The following NOTCH2 variants were observed in gnomAD, a reference collection of about 807,000 sequenced individuals.
NOTCH2 encodes the protein neurogenic locus notch homolog protein 2.
A neutral mutation model predicts 235.8 loss-of-function variants in NOTCH2; 29 were observed. The observed-to-expected ratio is 0.12, with a 90% CI of 0.09 to 0.17. The LOEUF (loss-of-function observed/expected upper bound fraction) is 0.17. Among genes scored for constraint, NOTCH2 ranks in the 10% least tolerant of loss-of-function variants. The probability of loss-of-function intolerance (pLI) is 1.00; values close to 1 mark genes in which losing one functional copy is unlikely to be tolerated. For synonymous variants in NOTCH2, 1,086 were observed against 1,141.5 expected (o/e 0.95, Z 0.98); for missense variants, 2,285 against 3,150.2 (o/e 0.73, Z 6.57).
At chr1:120,001,059 T>G (rs3000474) in intron 3 of NOTCH2, among the ~76,000 whole-genome samples, 5,938 of 150,652 alleles carry the variant, frequency 0.039, 1 homozygote, top group East Asian at 0.12. Flanking sequence ...TTTCTCAGGG[T>G]TTCTGCTTTT....
chr1:119,995,579 G>A (rs1381678990), intron 4 of NOTCH2: 27 of 152,182 alleles, frequency 1.8e-4, no homozygotes, highest in East Asian at 1.3e-3. Flanking sequence ...GAAGACAGAC[G>A]TATTTTAGTT....
intron 21 of NOTCH2, among the ~76,000 whole-genome samples, chr1:119,936,074 G>A (rs917454669): frequency 6.6e-6 from 1 of 152,208 alleles, no homozygotes; most frequent in Non-Finnish European, 1.5e-5. Flanking sequence ...GATAGGCTTA[G>A]GGGTAGAGGG....
chr1:119,974,134 G>A (rs1040889124), intron 5 of NOTCH2, among the ~76,000 whole-genome samples: 2 of 152,194 alleles, frequency 1.3e-5, no homozygotes, highest in East Asian at 1.9e-4. Context: ...TGAAACAGGA[G>A]AGCTGTATTG....
At chr1:119,962,259 C>T (rs1222049194) in intron 11 of NOTCH2, among the ~76,000 whole-genome samples, 1 of 152,134 alleles carries the variant, frequency 6.6e-6, no homozygotes, top group Non-Finnish European at 1.5e-5. Flanking sequence ...CCCAGGTTTC[C>T]AGTATGTTTA....
chr1:119,953,755 C>G (rs1553198108), intron 13 of NOTCH2, 67 bp from the exon 14 acceptor site: 1 of 1,397,304 alleles, frequency 7.2e-7, no homozygotes, highest in South Asian at 1.2e-5. Context: ...GAGTGAAATA[C>G]AGGACTTGGT....
In NOTCH2 at chr1:119,967,522, A is replaced by G. The variant is rs1553199824; in HGVS notation, c.1364T>C (p.Met455Thr). The G allele has an allele frequency of 1.9e-6, 3 of 1,614,108 alleles. No individual in the cohort carries two copies. Among genetic ancestry groups the G allele is most frequent in the Non-Finnish European group, 2.5e-6 (3 of 1,179,954 alleles). Residue 455 changes from methionine to threonine, a missense_variant, in exon 8 of 34, where the codon ATG (methionine) becomes ACG (threonine). Physicochemically the swap from Met to Thr is moderately conservative, Grantham distance 81 (BLOSUM62 -1). This residue lies in a region of NOTCH2 where 431 missense variants were observed against 757.8 expected (regional missense o/e 0.57). Coordinates refer to ENST00000256646, the MANE Select transcript of NOTCH2 (RefSeq NM_024408.4). The part of the protein sequence containing the change: ...LKGYAGPRCE[M>T]DINECHSDPC... ...GTCTGAATGGCACTCATTGATGTCC[A>G]TCTCACAACGAGGTCCTGCATAACC...
intron 1 of NOTCH2, chr1:120,068,847 G>A (rs1236816990): frequency 3.9e-6 from 2 of 515,306 alleles, no homozygotes; most frequent in Non-Finnish European, 7.0e-6. Flanking sequence ...CCCGGCCCAT[G>A]TGCCGCCCCC....
Position 120,069,455 on chromosome 1 carries a change from T to G in NOTCH2, c.-49A>C, listed in dbSNP as rs781821308. 1.3e-6 allele frequency: 2 copies of G among 1,519,200 alleles called. No homozygotes were observed. The highest frequency in any genetic ancestry group is 1.8e-6 in the Non-Finnish European group (2 of 1,141,734). 94.1% of individuals were successfully genotyped at this position (1,519,200 alleles called of 1,614,324 possible). A position where few individuals can be genotyped will look rare whatever the true frequency, so the allele number is the denominator to read the frequency against. ...CCGCCGCCGCCGCCGCCTGGGCAGATCCACATGGGGAGGGGGTCCCGATAG... is the reference window on the plus strand; with the variant it reads ...CCGCCGCCGCCGCCGCCTGGGCAGAGCCACATGGGGAGGGGGTCCCGATAG... On this transcript the variant is annotated 5_prime_UTR_variant, in exon 1 of 34. Coordinates refer to ENST00000256646, the MANE Select transcript of NOTCH2 (RefSeq NM_024408.4).
intron 5 of NOTCH2, among the ~76,000 whole-genome samples, chr1:119,985,814 A>C (rs1244585608): frequency 6.6e-6 from 1 of 152,206 alleles, no homozygotes; most frequent in African/African-American, 2.4e-5. Flanking sequence ...CAATGTCACA[A>C]AAAGTACAGA....
rs113604103 is a variant in NOTCH2 at position 119,953,619 on chromosome 1, C to T, written c.2289G>A (p.Ser763=). The part of the protein sequence containing the change: ...NCEVDKNECL[S]NPCQNGGTCD... ...AAGTTCCTCCATTCTGGCATGGATT[C>T]GAAAGGCATTCATTTTTGTCCACTT... is the stretch of plus-strand genomic sequence containing the variant. The change falls in exon 14 of 34, where the codon TCG becomes TCA. Residue 763 remains serine (S), a synonymous_variant. Transcript: ENST00000256646. 13 of 1,614,060 alleles carry T rather than the reference C, an allele frequency of 8.1e-6. No individual in the cohort carries two copies. Among genetic ancestry groups the T allele is most frequent in the Admixed American group, 5.0e-5 (3 of 60,016 alleles).
In NOTCH2 at chr1:119,916,333, C is replaced by T. The variant is rs1649068469; in HGVS notation, c.6389G>A (p.Arg2130Lys). ...CTTCTCACTCAGAGACTTCTTCCTC[C>T]TACTACCCTTGGCATCCTTTGCCTC... ...AKEAKDAKGS[R>K]RKKSLSEKVQ... The change falls in exon 34 of 34, where the codon AGG becomes AAG. Residue 2130 changes from arginine (R) to lysine (K), a missense_variant. By Grantham distance (26) the Arg-to-Lys change is conservative (BLOSUM62 2). Coordinates refer to ENST00000256646, the MANE Select transcript of NOTCH2 (RefSeq NM_024408.4). 1 of 1,614,198 alleles carries T rather than the reference C, an allele frequency of 6.2e-7. No homozygotes were observed. The highest frequency in any genetic ancestry group is 1.7e-5 in the Admixed American group (1 of 60,024).
intron 5 of NOTCH2, among the ~76,000 whole-genome samples, chr1:119,972,573 G>T (rs953941160): frequency 2.0e-5 from 3 of 152,140 alleles, no homozygotes; most frequent in Non-Finnish European, 4.4e-5. Flanking sequence ...ATAATAAACA[G>T]ACACTGAAAT....
intron 17 of NOTCH2, 70 bp downstream of exon 17, chr1:119,948,344 C>G (rs1650335811): frequency 2.5e-6 from 4 of 1,582,924 alleles, no homozygotes; most frequent in Non-Finnish European, 3.5e-6. Flanking sequence ...GCAGCCTCCA[C>G]TGGGCTCTCC....
intron 5 of NOTCH2, among the ~76,000 whole-genome samples, chr1:119,977,563 G>T (rs961900597): frequency 2.6e-4 from 40 of 152,318 alleles, no homozygotes; most frequent in African/African-American, 9.6e-4. Flanking sequence ...GAAACTAGGG[G>T]AGAAAGAGCG....
chr1:119,947,695 G>C (rs1002335337), intron 17 of NOTCH2, among the ~76,000 whole-genome samples: 1 of 152,140 alleles, frequency 6.6e-6, no homozygotes, highest in Non-Finnish European at 1.5e-5. Context: ...TCCACACAAA[G>C]ACTCATTCAT....
At chr1:119,921,918 A>T in intron 28 of NOTCH2, 109 bp from the exon 29 acceptor site, 1 of 972,250 alleles carries the variant, frequency 1.0e-6, no homozygotes, top group Non-Finnish European at 1.6e-6. Context: ...ACAATTTTGC[A>T]GGGTCTTGGC....
chr1:119,945,609 CAA>C (rs1356199292), intron 17 of NOTCH2, among the ~76,000 whole-genome samples: 1 of 151,912 alleles, frequency 6.6e-6, no homozygotes, highest in Non-Finnish European at 1.5e-5. Flanking sequence ...AGAAATATGA[CAA>C]GAGTTTAAAA....
chr1:119,983,622 C>G (rs1651900242), intron 5 of NOTCH2, among the ~76,000 whole-genome samples: 1 of 152,096 alleles, frequency 6.6e-6, no homozygotes, highest in African/African-American at 2.4e-5. Context: ...AAAAAATAAA[C>G]TTTTTATTGC....
intron 5 of NOTCH2, among the ~76,000 whole-genome samples, chr1:119,975,889 G>A (rs1009420598): frequency 6.6e-6 from 1 of 152,088 alleles, no homozygotes. Context: ...ATCTGATTTG[G>A]AGCTACAAGT....
Sources: allele counts gnomAD v4.1 joint callset (sites outside exome capture counted in the v4.1 genomes callset), GRCh38; gene constraint gnomAD v4.1.1; regional missense constraint gnomAD v4.1.1; transcripts MANE v1.5; gene names NCBI Gene and HGNC (gene_info 2026-07-23, HGNC 2026-07-21).